The following SERPINI1 variants were observed in gnomAD, a reference collection of about 807,000 sequenced individuals.
SERPINI1 encodes neuroserpin.
In SERPINI1, 19 loss-of-function variants were observed where a neutral mutation model predicts 41.1. The observed-to-expected ratio is 0.46, with a 90% CI of 0.32 to 0.68. The LOEUF is 0.68. Among genes scored for constraint, SERPINI1 ranks in the 30% least tolerant of loss-of-function variants. SERPINI1 has a pLI of 0.03. For synonymous variants in SERPINI1, 138 were observed against 156.6 expected (o/e 0.88, Z 0.89); for missense variants, 460 against 479.2 (o/e 0.96, Z 0.37).
chr3:167,791,016 G>A (rs1727488626), intron 3 of SERPINI1, among the ~76,000 whole-genome samples: 1 of 151,996 alleles, frequency 6.6e-6, no homozygotes, highest in Non-Finnish European at 1.5e-5. Flanking sequence ...GTTGGCTTTT[G>A]AACCAAAGAA....
Position 167,790,620 on chromosome 3 carries a change from T to G in SERPINI1, c.481+18T>G, listed in dbSNP as rs764713530. ...CACAAACAGTATGTCACTTGGTTCCTTTCTTCCTCTAGTAGCTTAGTTTTA... is the reference window on the plus strand; with the variant it reads ...CACAAACAGTATGTCACTTGGTTCCGTTCTTCCTCTAGTAGCTTAGTTTTA... On this transcript the variant is annotated intron_variant, in intron 3 of 8. Coordinates refer to ENST00000446050, the MANE Select transcript of SERPINI1 (RefSeq NM_001122752.2). 6.4e-6 allele frequency: 10 copies of G among 1,554,508 alleles called. 1 individual carries two copies. In the South Asian group the frequency reaches 1.1e-4, roughly 17 times the overall value.
At chr3:167,761,088 T>G (rs1403854613) in intron 1 of SERPINI1, among the ~76,000 whole-genome samples, 1 of 152,182 alleles carries the variant, frequency 6.6e-6, no homozygotes, top group Admixed American at 6.6e-5. Flanking sequence ...TTTACTCACG[T>G]GTGATCTTTT....
chr3:167,790,675 C>G, intron 3 of SERPINI1, 73 bp downstream of exon 3: 2 of 1,129,510 alleles, frequency 1.8e-6, no homozygotes, highest in South Asian at 1.3e-5. Flanking sequence ...AGTATTTCCT[C>G]CTTGTTCCTT....
intron 1 of SERPINI1, among the ~76,000 whole-genome samples, chr3:167,751,740 C>A (rs1428345998): frequency 6.6e-6 from 1 of 151,740 alleles, no homozygotes; most frequent in Non-Finnish European, 1.5e-5. Context: ...ATGATTTGTT[C>A]TAATATCTTT....
chr3:167,769,089 G>T (rs1321743842), intron 1 of SERPINI1, among the ~76,000 whole-genome samples: 1 of 152,116 alleles, frequency 6.6e-6, no homozygotes, highest in Non-Finnish European at 1.5e-5. Context: ...TGCCTCCCAG[G>T]TTCAGAGAGT....
At chr3:167,756,464 T>A (rs1326125417) in intron 1 of SERPINI1, among the ~76,000 whole-genome samples, 2 of 151,874 alleles carry the variant, frequency 1.3e-5, no homozygotes, top group African/African-American at 4.8e-5. Context: ...CATTCATCTT[T>A]GTTTTTGTTT....
At chr3:167,781,634 C>CTTTTTTTTTTTTTTT (rs757785091) in intron 1 of SERPINI1, among the ~76,000 whole-genome samples, 1 of 81,752 alleles carries the variant, frequency 1.2e-5, no homozygotes, top group Non-Finnish European at 2.4e-5. Flanking sequence ...TTCTTTTGGC[C>CTTTTTTTTTTTTTTT]TTTTTTTTTT....
At chr3:167,743,902 A>G (rs1204010393) in intron 1 of SERPINI1, among the ~76,000 whole-genome samples, 1 of 152,064 alleles carries the variant, frequency 6.6e-6, no homozygotes, top group African/African-American at 2.4e-5. Context: ...ATTGCAGGGG[A>G]TGGCAAGCTA....
chr3:167,784,494 C>T (rs915837080), intron 1 of SERPINI1, among the ~76,000 whole-genome samples: 1 of 152,064 alleles, frequency 6.6e-6, no homozygotes, highest in African/African-American at 2.4e-5. Flanking sequence ...TGAAGAAATA[C>T]CCGAGACTGG....
chr3:167,793,596 A>ATATATATATATATATATTTTTT, intron 4 of SERPINI1, among the ~76,000 whole-genome samples: 1 of 140,610 alleles, frequency 7.1e-6, no homozygotes, highest in African/African-American at 2.7e-5. Flanking sequence ...ATATATATAT[A>ATATATATATATATATATTTTTT]TTTTTAATTA....
intron 1 of SERPINI1, among the ~76,000 whole-genome samples, chr3:167,787,694 T>G (rs982009583): frequency 6.6e-6 from 1 of 152,182 alleles, no homozygotes; most frequent in Non-Finnish European, 1.5e-5. Flanking sequence ...AGGCTGAGAC[T>G]TACCTTCCTA....
At chr3:167,743,146 G>A (rs1725734379) in intron 1 of SERPINI1, among the ~76,000 whole-genome samples, 1 of 151,982 alleles carries the variant, frequency 6.6e-6, no homozygotes, top group African/African-American at 2.4e-5. Context: ...AAGAAAAATT[G>A]AGTATTAGGA....
At chr3:167,797,599 A>G (rs1361215759) in intron 5 of SERPINI1, among the ~76,000 whole-genome samples, 3 of 152,244 alleles carry the variant, frequency 2.0e-5, no homozygotes, top group Non-Finnish European at 4.4e-5. Flanking sequence ...GTCTATATAC[A>G]AAAGTCAAGG....
intron 1 of SERPINI1, among the ~76,000 whole-genome samples, chr3:167,768,749 T>A (rs1055236013): frequency 6.6e-6 from 1 of 152,176 alleles, no homozygotes; most frequent in African/African-American, 2.4e-5. Context: ...CTGAATAGAA[T>A]AGGTTACTAT....
chr3:167,788,262 C>T lies in SERPINI1; in HGVS notation c.-18-849C>T, dbSNP rs143641912. ...GATATTATTCAGAGATATCTGGGCA[C>T]TGACGGTGCTTTTTTTTCTCCAAGA... On this transcript the variant is annotated intron_variant, in intron 1 of 8. Coordinates refer to ENST00000446050, the MANE Select transcript of SERPINI1 (RefSeq NM_001122752.2). Among the ~76,000 whole-genome samples the T allele has an allele frequency of 1.9e-4, 29 of 152,298 alleles. No homozygotes were observed. The East Asian group carries it at 2.1e-3, about 11-fold the overall frequency.
chr3:167,767,893 G>A (rs1726616831), intron 1 of SERPINI1, among the ~76,000 whole-genome samples: 2 of 152,188 alleles, frequency 1.3e-5, no homozygotes, highest in South Asian at 2.1e-4. Context: ...TTATGGATGA[G>A]CAAAGGAAGT....
chr3:167,749,167 C>G (rs1725963114), intron 1 of SERPINI1, among the ~76,000 whole-genome samples: 1 of 152,150 alleles, frequency 6.6e-6, no homozygotes, highest in African/African-American at 2.4e-5. Context: ...AGGAAGTCAA[C>G]TTTCATTAAA....
At chr3:167,766,457 T>G (rs1004585510) in intron 1 of SERPINI1, among the ~76,000 whole-genome samples, 2 of 152,128 alleles carry the variant, frequency 1.3e-5, no homozygotes, top group Non-Finnish European at 2.9e-5. Context: ...GATTCAATTA[T>G]CTCCCACTGG....
intron 1 of SERPINI1, among the ~76,000 whole-genome samples, chr3:167,775,074 G>A (rs1726918353): frequency 6.6e-6 from 1 of 151,814 alleles, no homozygotes; most frequent in Non-Finnish European, 1.5e-5. Context: ...ATAATAACAT[G>A]TTTCCAGTTC....
Sources: allele counts gnomAD v4.1 joint callset (sites outside exome capture counted in the v4.1 genomes callset), GRCh38; gene constraint gnomAD v4.1.1; transcripts MANE v1.5; gene names NCBI Gene and HGNC (gene_info 2026-07-23, HGNC 2026-07-21).